The following PBX1 variants were observed in gnomAD, a reference collection of about 807,000 sequenced individuals.
The protein encoded by PBX1 is pre-B-cell leukemia transcription factor 1.
In PBX1, 6 loss-of-function variants were observed where a neutral mutation model predicts 53.4. The ratio of observed to expected loss-of-function variants is 0.11; its 90% CI spans 0.06 to 0.22. The LOEUF is 0.22. Among genes scored for constraint, PBX1 ranks in the 10% least tolerant of loss-of-function variants. PBX1 has a pLI of 1.00. For missense variants in PBX1, 251 were observed against 551.4 expected (o/e 0.46, Z 5.46); for synonymous variants, 204 against 212.3 (o/e 0.96, Z 0.34).
intron 2 of PBX1, chr1:164,642,794 C>G (rs1237908666): frequency 6.6e-6 from 1 of 152,146 alleles, no homozygotes; most frequent in African/African-American, 2.4e-5. Context: ...AGTCTCTGCT[C>G]TCTGCTTGGA....
At chr1:164,863,953 G>C (rs932811448) in intron 2 of PBX1, among the ~76,000 whole-genome samples, 1 of 152,200 alleles carries the variant, frequency 6.6e-6, no homozygotes, top group African/African-American at 2.4e-5. Context: ...CATCTTCCCA[G>C]CAATTACTTA....
At chr1:164,807,792 A>G (rs1011196605) in intron 5 of PBX1, 115 bp downstream of exon 5, 7 of 1,212,054 alleles carry the variant, frequency 5.8e-6, no homozygotes, top group South Asian at 3.2e-5. Flanking sequence ...TCCATCAGCT[A>G]TAGCCTTAAA....
chr1:164,700,277 A>G (rs1056021347), intron 2 of PBX1, among the ~76,000 whole-genome samples: 4 of 152,200 alleles, frequency 2.6e-5, no homozygotes, highest in African/African-American at 9.6e-5. Context: ...CAGCCTGTAC[A>G]TCAGAGAGCT....
chr1:164,688,571 G>A (rs78229350), intron 2 of PBX1, among the ~76,000 whole-genome samples: 87 of 152,260 alleles, frequency 5.7e-4, no homozygotes, highest in African/African-American at 2.0e-3. Context: ...AGCGAGCCAT[G>A]AGGTAGCTGG....
At chr1:164,664,449 A>G (rs1660689414) in intron 2 of PBX1, among the ~76,000 whole-genome samples, 1 of 152,172 alleles carries the variant, frequency 6.6e-6, no homozygotes, top group Non-Finnish European at 1.5e-5. Flanking sequence ...GTACCAAGCC[A>G]ACTCTGGATT....
At chr1:164,797,921 A>G (rs1668866178) in intron 3 of PBX1, among the ~76,000 whole-genome samples, 1 of 152,230 alleles carries the variant, frequency 6.6e-6, no homozygotes, top group Admixed American at 6.5e-5. Flanking sequence ...AGCTGAACCC[A>G]GACTGTGCTC....
intron 2 of PBX1, among the ~76,000 whole-genome samples, chr1:164,586,968 T>C (rs1190510675): frequency 6.6e-6 from 1 of 152,128 alleles, no homozygotes; most frequent in Non-Finnish European, 1.5e-5. Context: ...GAGATTTGAA[T>C]GTCGACCTCA....
intron 4 of PBX1, among the ~76,000 whole-genome samples, chr1:164,803,646 A>C (rs930523819): frequency 2.0e-5 from 3 of 152,180 alleles, no homozygotes; most frequent in Non-Finnish European, 4.4e-5. Context: ...TGGCTAGATG[A>C]AATTGTTCAG....
intron 2 of PBX1, among the ~76,000 whole-genome samples, chr1:164,566,126 TA>T: frequency 1.3e-5 from 2 of 152,196 alleles, no homozygotes; most frequent in African/African-American, 2.4e-5. Context: ...GGCTAAGATG[TA>T]TTACCAACCT....
chr1:164,643,042 G>A (rs945926363), intron 2 of PBX1, among the ~76,000 whole-genome samples: 18 of 152,146 alleles, frequency 1.2e-4, no homozygotes, highest in African/African-American at 4.1e-4. Context: ...CATTAATTCT[G>A]CCGTTAATTT....
At chr1:164,580,832 A>ACCTC (rs1157058472) in intron 2 of PBX1, among the ~76,000 whole-genome samples, 2 of 151,060 alleles carry the variant, frequency 1.3e-5, no homozygotes, top group Non-Finnish European at 3.0e-5. Context: ...ACCCTCCTCG[A>ACCTC]CCTCCCAGAG....
intron 2 of PBX1, among the ~76,000 whole-genome samples, chr1:164,663,839 A>ACTATGACTCT (rs1660654790): frequency 6.6e-6 from 1 of 152,214 alleles, no homozygotes; most frequent in Non-Finnish European, 1.5e-5. Context: ...AGCTATGACT[A>ACTATGACTCT]ATCAGATGGT....
At chr1:164,872,733 G>T (rs1348956760) in intron 2 of PBX1, among the ~76,000 whole-genome samples, 9 of 152,166 alleles carry the variant, frequency 5.9e-5, no homozygotes, top group African/African-American at 2.2e-4. Flanking sequence ...GCTTTTTTCA[G>T]GTGTGCTGCC....
intron 2 of PBX1, among the ~76,000 whole-genome samples, chr1:164,868,431 A>G (rs954834129): frequency 6.6e-6 from 1 of 152,144 alleles, no homozygotes; most frequent in Non-Finnish European, 1.5e-5. Flanking sequence ...CTGAGTCCAG[A>G]TGGTTACTTC....
chr1:164,635,974 A>G (rs1474580970), intron 2 of PBX1, among the ~76,000 whole-genome samples: 2 of 152,058 alleles, frequency 1.3e-5, no homozygotes, highest in Admixed American at 1.3e-4. Flanking sequence ...GGATCACATG[A>G]GGCTGGCTGG....
intron 2 of PBX1, among the ~76,000 whole-genome samples, chr1:164,677,589 G>C (rs554956245): frequency 1.3e-5 from 2 of 152,132 alleles, no homozygotes; most frequent in African/African-American, 4.8e-5. Flanking sequence ...TGGGTTAAAA[G>C]TATAATGATA....
chr1:164,570,100 A>G (rs906978020), intron 2 of PBX1, among the ~76,000 whole-genome samples: 2 of 152,228 alleles, frequency 1.3e-5, no homozygotes, highest in African/African-American at 4.8e-5. Flanking sequence ...AGTTAAAAAC[A>G]TTTCATTTTC....
chr1:164,792,482 C>A lies in PBX1; in HGVS notation c.266-12C>A, dbSNP rs1295611167. On this transcript the variant is annotated splice_polypyrimidine_tract_variant and intron_variant, in intron 2 of 8. Transcript: ENST00000420696. ...TTACTATTAACGCTCCCTTCCCTGT[C>A]TTTTTCTGTAGTTTTGAGTATCCGA... 8.1e-6 allele frequency: 13 copies of A among 1,613,224 alleles called. No homozygotes were observed. The highest frequency in any genetic ancestry group is 1.3e-5 in the African/African-American group (1 of 74,610).
chr1:164,783,806 T>C (rs754687098), intron 2 of PBX1, among the ~76,000 whole-genome samples: 3 of 152,104 alleles, frequency 2.0e-5, no homozygotes, highest in African/African-American at 7.2e-5. Context: ...TATTAAAATG[T>C]GGTAGGACAA....
Sources: allele counts gnomAD v4.1 joint callset (sites outside exome capture counted in the v4.1 genomes callset), GRCh38; gene constraint gnomAD v4.1.1; transcripts MANE v1.5; gene names NCBI Gene and HGNC (gene_info 2026-07-23, HGNC 2026-07-21).